Variants in CPAMD8 observed in about 807,000 individuals in gnomAD.
CPAMD8 encodes the protein C3 and PZP-like alpha-2-macroglobulin domain-containing protein 8.
In CPAMD8, 146 loss-of-function variants were observed where a neutral mutation model predicts 224.7. The observed-to-expected ratio is 0.65, with a 90% CI of 0.57 to 0.75. CPAMD8 has a LOEUF of 0.75. Ranked by LOEUF, CPAMD8 falls within the 30% of genes least tolerant of loss-of-function variation. CPAMD8 has a pLI of 0.00. For missense variants in CPAMD8, 2,301 were observed against 2,537.5 expected (o/e 0.91, Z 2.00); for synonymous variants, 966 against 1,044.6 (o/e 0.92, Z 1.45).
intron 3 of CPAMD8, among the ~76,000 whole-genome samples, chr19:17,019,177 G>A (rs888944373): frequency 2.6e-5 from 4 of 152,158 alleles, no homozygotes; most frequent in Admixed American, 6.5e-5. Context: ...AGGCTGGAGT[G>A]AAGTGGTGAG....
At position 16,975,999 on chromosome 19, in the gene CPAMD8, C is replaced by T. The variant is rs2055252218; in HGVS notation, c.1908+3G>A. 3 of 1,586,802 alleles carry T rather than the reference C, an allele frequency of 1.9e-6. No individual in the cohort carries two copies. Among genetic ancestry groups the T allele is most frequent in the Non-Finnish European group, 2.6e-6 (3 of 1,165,874 alleles). Reference sequence around the variant, plus strand: ...AGAACCCAAGCCCGAGGGGTCTGCTCACCTGGGCAGGAGTCAGCCGGAACC... The same window carrying T: ...AGAACCCAAGCCCGAGGGGTCTGCTTACCTGGGCAGGAGTCAGCCGGAACC... On this transcript the variant is annotated splice_donor_region_variant and intron_variant, in intron 16 of 41. Transcript: ENST00000443236.
chr19:16,975,682 C>T (rs1288585180), intron 16 of CPAMD8, among the ~76,000 whole-genome samples: 1 of 152,000 alleles, frequency 6.6e-6, no homozygotes, highest in Non-Finnish European at 1.5e-5. Flanking sequence ...CACTCCAGCC[C>T]AGGCAACAGA....
intron 27 of CPAMD8, among the ~76,000 whole-genome samples, chr19:16,916,319 T>C (rs1458439231): frequency 6.6e-6 from 1 of 151,986 alleles, no homozygotes; most frequent in Admixed American, 6.6e-5. Flanking sequence ...CACTGCAGCC[T>C]CTGCCTCTCA....
intron 32 of CPAMD8, 45 bp downstream of exon 32, chr19:16,904,181 A>ACC: frequency 3.5e-6 from 1 of 285,576 alleles, no homozygotes; most frequent in Non-Finnish European, 5.9e-6. Context: ...CAGGGACCCC[A>ACC]CCCACCCAGC....
chr19:16,898,039 C>CCGGGGCGCTGAG lies in CPAMD8; in HGVS notation c.4849-57_4849-46dup. 2 of 1,466,068 alleles carry CCGGGGCGCTGAG rather than the reference C, an allele frequency of 1.4e-6. No individual in the cohort carries two copies. Among genetic ancestry groups the CCGGGGCGCTGAG allele is most frequent in the Non-Finnish European group, 1.9e-6 (2 of 1,074,838 alleles). 90.8% of individuals were successfully genotyped at this position (1,466,068 alleles called of 1,614,324 possible). A position where few individuals can be genotyped will look rare whatever the true frequency, so the allele number is the denominator to read the frequency against. On this transcript the variant is annotated intron_variant, in intron 37 of 41. Transcript: ENST00000443236. This position sits in a 1 kb window ranked among gnomAD's most constrained non-coding sequence, Gnocchi z 4.2. Reference sequence around the variant, plus strand: ...GCAGGCTCGACCCGGGCCAGGAGGCCCGGGGCGCTGAGCTCAGGCCCAGAA... The same window carrying CCGGGGCGCTGAG: ...GCAGGCTCGACCCGGGCCAGGAGGCCCGGGGCGCTGAGCGGGGCGCTGAGCTCAGGCCCAGAA...
At chr19:17,003,794 G>GT (rs2056404687) in intron 8 of CPAMD8, among the ~76,000 whole-genome samples, 1 of 146,258 alleles carries the variant, frequency 6.8e-6, no homozygotes, top group Non-Finnish European at 1.5e-5. Context: ...AAAAAAAAAA[G>GT]TAAGAGTGTA....
In CPAMD8 at chr19:16,987,421, GGAA is replaced by G. The variant is rs1353849515; in HGVS notation, c.1395+2219_1395+2221del. ...AGCCTACTGAACGTGAAGATGACAAGGAAGAAGACCTTTACAATGATCCATTCC... is the reference window on the plus strand; with the variant it reads ...AGCCTACTGAACGTGAAGATGACAAGGAAGACCTTTACAATGATCCATTCC... On this transcript the variant is annotated intron_variant, in intron 13 of 41. Transcript: ENST00000443236. Among the ~76,000 whole-genome samples the G allele has an allele frequency of 2.6e-5, 4 of 151,570 alleles. No individual in the cohort carries two copies. The East Asian group carries it at 5.8e-4, about 22-fold the overall frequency.
At chr19:17,013,703 A>G (rs2056727988) in intron 3 of CPAMD8, among the ~76,000 whole-genome samples, 1 of 151,688 alleles carries the variant, frequency 6.6e-6, no homozygotes, top group Non-Finnish European at 1.5e-5. Flanking sequence ...GCGGGGATAA[A>G]AATGTTCTGG....
Position 16,955,509 on chromosome 19 carries a change from A to G in CPAMD8, c.2276+2344T>C, listed in dbSNP as rs1244502358. Among the ~76,000 whole-genome samples the G allele has an allele frequency of 2.0e-5, 3 of 152,202 alleles. No individual in the cohort carries two copies. In the South Asian group the frequency reaches 6.2e-4, roughly 32 times the overall value. Reference sequence around the variant, plus strand: ...GAGGGGAGTGAGTGTTTAATGGGACAGAGTGTCAGTTTTGTAAGATGAAAG... The same window carrying G: ...GAGGGGAGTGAGTGTTTAATGGGACGGAGTGTCAGTTTTGTAAGATGAAAG... On this transcript the variant is annotated intron_variant, in intron 19 of 41. Coordinates refer to ENST00000443236, the MANE Select transcript of CPAMD8 (RefSeq NM_015692.5).
chr19:16,961,654 G>A (rs781140727), intron 18 of CPAMD8, among the ~76,000 whole-genome samples: 1 of 152,238 alleles, frequency 6.6e-6, no homozygotes, highest in Non-Finnish European at 1.5e-5. Context: ...CAGCTCTGAA[G>A]ACAGCAGTCA....
intron 22 of CPAMD8, among the ~76,000 whole-genome samples, chr19:16,941,672 G>A (rs1255758924): frequency 1.3e-5 from 2 of 152,166 alleles, no homozygotes; most frequent in Non-Finnish European, 2.9e-5. Context: ...CATGAGATCT[G>A]GTTGTTTGAA....
chr19:16,952,325 C>T (rs2054324418), intron 19 of CPAMD8, 125 bp from the exon 20 acceptor site: 5 of 642,268 alleles, frequency 7.8e-6, no homozygotes, highest in Non-Finnish European at 1.4e-5. Flanking sequence ...TAGAAACAAG[C>T]ATTGAAGGCA....
intron 40 of CPAMD8, 25 bp downstream of exon 40, chr19:16,896,431 G>T: frequency 1.4e-6 from 2 of 1,470,248 alleles, no homozygotes; most frequent in Non-Finnish European, 1.8e-6. Flanking sequence ...TGTCCCCGAG[G>T]CTAGGCGGGG....
intron 29 of CPAMD8, among the ~76,000 whole-genome samples, 188 bp downstream of exon 29, chr19:16,914,236 C>G (rs2052843013): frequency 6.6e-6 from 1 of 151,940 alleles, no homozygotes; most frequent in South Asian, 2.1e-4. Flanking sequence ...GAATCTCTCT[C>G]TCCTCTGCTC....
Position 16,903,903 on chromosome 19 carries a change from G to A in CPAMD8, c.4252-46C>T, listed in dbSNP as rs1430088557. ...GGCCATCAACCCTGAGACTGAGTTG[G>A]CCAGTGGTCCCCTGAACCCCGTCTT... On this transcript the variant is annotated intron_variant, in intron 32 of 41. Transcript: ENST00000443236. 4.4e-6 allele frequency: 7 copies of A among 1,588,504 alleles called. No individual in the cohort carries two copies. In the African/African-American group the frequency reaches 5.4e-5, roughly 12 times the overall value.
chr19:16,902,821 C>A lies in CPAMD8; in HGVS notation c.4513G>T (p.Ala1505Ser). The A allele has an allele frequency of 6.4e-7, 1 of 1,563,078 alleles. No homozygotes were observed. Among genetic ancestry groups the A allele is most frequent in the Non-Finnish European group, 8.7e-7 (1 of 1,151,400 alleles). Residue 1505 changes from alanine (A) to serine (S), a missense_variant, in exon 35 of 42, where the codon GCT (alanine) becomes TCT (serine). By Grantham distance (99) the Ala-to-Ser change is moderately conservative. This residue lies in a region of CPAMD8 where 1,709 missense variants were observed against 1,753.2 expected (regional missense o/e 0.97). Transcript: ENST00000443236. ...TGGAGGCTTACGAGCAGCTGGAAAG[C>A]TGGCTTGGCCACCGGGTCAGGCACA... ...YNVPDPVAKP[A>S]FQLLVSLQEP...
At chr19:16,989,536 C>T (rs1321452070) in intron 13 of CPAMD8, 107 bp downstream of exon 13, 3 of 1,391,310 alleles carry the variant, frequency 2.2e-6, no homozygotes, top group African/African-American at 2.9e-5. Context: ...ATCCGCCTGC[C>T]TCGGCCTCCC....
Position 17,004,400 on chromosome 19 carries a change from G to A in CPAMD8, c.560-14C>T. On this transcript the variant is annotated splice_polypyrimidine_tract_variant and intron_variant, in intron 7 of 41. Coordinates refer to ENST00000443236, the MANE Select transcript of CPAMD8 (RefSeq NM_015692.5). ...TGTTGGTGATGCCTGTGTGAAGAGA[G>A]AGGGCAAGGGCTTTTTCAGAGAGCC... 1 of 1,557,518 alleles carries A rather than the reference G, an allele frequency of 6.4e-7. No homozygotes were observed. Among genetic ancestry groups the A allele is most frequent in the Non-Finnish European group, 8.9e-7 (1 of 1,128,744 alleles).
At chr19:16,980,387 T>C (rs915716655) in intron 14 of CPAMD8, 110 bp downstream of exon 14, 12 of 985,882 alleles carry the variant, frequency 1.2e-5, no homozygotes, top group Middle Eastern at 6.6e-4. Context: ...ACCCAAGGCA[T>C]GCTCCCCTCT....
Sources: gnomAD v4.1 joint callset for allele counts (sites outside exome capture counted in the v4.1 genomes callset) on GRCh38, gnomAD v4.1.1 for gene constraint, gnomAD v4.1.1 regional missense constraint, Gnocchi (gnomAD v3.1) non-coding constraint, MANE v1.5 for transcripts, NCBI Gene and HGNC (gene_info 2026-07-23, HGNC 2026-07-21) for gene names.